Variants in TMEM131L observed in about 807,000 individuals in gnomAD.
TMEM131L encodes the protein transmembrane protein 131-like.
A neutral mutation model predicts 192.2 loss-of-function variants in TMEM131L; 54 were observed. The ratio of observed to expected loss-of-function variants is 0.28; its 90% CI spans 0.23 to 0.35. The LOEUF (loss-of-function observed/expected upper bound fraction) is 0.35, where lower values mean the gene tolerates loss of function less well. Among genes scored for constraint, TMEM131L ranks in the 10% least tolerant of loss-of-function variants. The probability of loss-of-function intolerance (pLI) is 1.00; values close to 1 mark genes in which losing one functional copy is unlikely to be tolerated. For synonymous variants in TMEM131L, 701 were observed against 704.9 expected, an observed-to-expected ratio of 0.99 and a Z score of 0.09; for missense variants, 1,888 against 1,972.9, an observed-to-expected ratio of 0.96 and a Z score of 0.82.
Position 153,636,411 on chromosome 4 carries a change from G to A in TMEM131L, c.4668G>A (p.Thr1556=), listed in dbSNP as rs779975529. ...YENCCPINPT[T]EHSTHMENQA... is the part of the protein sequence containing the mutation. ...ATTGCTGCCCCATCAACCCCACCACGGAACATTCGACCCACATGGAAAACC... is the reference window on the plus strand; with the variant it reads ...ATTGCTGCCCCATCAACCCCACCACAGAACATTCGACCCACATGGAAAACC... The change falls in exon 35 of 35, where the codon ACG becomes ACA. Residue 1556 remains threonine, a synonymous_variant. Transcript: ENST00000409959. 1.2e-5 allele frequency: 20 copies of A among 1,613,956 alleles called. 1 individual carries two copies. Among genetic ancestry groups the A allele is most frequent in the East Asian group, 4.5e-5 (2 of 44,886 alleles).
intron 3 of TMEM131L, among the ~76,000 whole-genome samples, chr4:153,497,848 CTT>C (rs144355438): frequency 1.4e-5 from 1 of 73,998 alleles, no homozygotes; most frequent in Non-Finnish European, 2.8e-5. Context: ...ATGCAGAAAT[CTT>C]TTTTTTCTTT....
chr4:153,606,290 A>T (rs1265082983), intron 25 of TMEM131L, among the ~76,000 whole-genome samples: 1 of 152,198 alleles, frequency 6.6e-6, no homozygotes, highest in East Asian at 1.9e-4. Flanking sequence ...ATGACTTTGC[A>T]CACACTTGAA....
rs1412912862 is a variant in TMEM131L at position 153,592,482 on chromosome 4, A to G, written c.1820A>G (p.Tyr607Cys). 1 of 1,613,038 alleles carries G rather than the reference A, an allele frequency of 6.2e-7. No individual in the cohort carries two copies. The highest frequency in any genetic ancestry group is 1.3e-5 in the African/African-American group (1 of 74,880). ...ATALRSRMIK[Y>C]FVVQNPSSWP... ...TTCTTTCCTCACACCTAGATCAAGT[A>G]CTTTGTGGTGCAGAACCCGTCCTCT... Residue 607 changes from tyrosine to cysteine, a missense_variant, in exon 18 of 35, where the codon TAC (tyrosine) becomes TGC (cysteine). Physicochemically the swap from Tyr to Cys is radical, Grantham distance 194. Transcript: ENST00000409959.
intron 3 of TMEM131L, among the ~76,000 whole-genome samples, chr4:153,547,761 G>T (rs1370731484): frequency 2.0e-5 from 3 of 152,344 alleles, no homozygotes; most frequent in Non-Finnish European, 4.4e-5. Context: ...TACAGTGCCT[G>T]AACTTGACAC....
Position 153,602,682 on chromosome 4 carries a change from C to A in TMEM131L, c.2594C>A (p.Pro865His). 1 of 1,613,882 alleles carries A rather than the reference C, an allele frequency of 6.2e-7. No homozygotes were observed. Among genetic ancestry groups the A allele is most frequent in the African/African-American group, 1.3e-5 (1 of 74,994 alleles). ...TTGTGTGCAGACGTGGTTCCAGGACCCAGCTGGGAGGAGTCATTTTGGAGG... is the reference window on the plus strand; with the variant it reads ...TTGTGTGCAGACGTGGTTCCAGGACACAGCTGGGAGGAGTCATTTTGGAGG... ...LPLCADVVPG[P>H]SWEESFWRLT... Residue 865 changes from proline to histidine, a missense_variant, in exon 23 of 35, where the codon CCC (proline) becomes CAC (histidine). Coordinates refer to ENST00000409959, the MANE Select transcript of TMEM131L (RefSeq NM_001131007.2).
chr4:153,589,287 T>C (rs1302127812), intron 16 of TMEM131L, among the ~76,000 whole-genome samples: 3 of 152,226 alleles, frequency 2.0e-5, no homozygotes, highest in African/African-American at 7.2e-5. Context: ...GGAAGCACTT[T>C]ATGGCTTCTC....
At position 153,581,549 on chromosome 4, in the gene TMEM131L, C is replaced by A; in HGVS notation, c.881C>A (p.Ser294Tyr). 6.4e-7 allele frequency: 1 copy of A among 1,555,654 alleles called. No individual in the cohort carries two copies. Among genetic ancestry groups the A allele is most frequent in the South Asian group, 1.2e-5 (1 of 81,934 alleles). ...ATTGTTTACGTAGCTACAGATGAAT[C>A]TGAGACCTCAGGTAAGGTGGAATGT... ...LSIVYVATDESETSDDSAVNM... is the reference protein window; with the variant it reads ...LSIVYVATDEYETSDDSAVNM... The change falls in exon 9 of 35, where the codon TCT (serine) becomes TAT (tyrosine). Residue 294 changes from serine (S) to tyrosine (Y), a missense_variant. By Grantham distance (144) the Ser-to-Tyr change is moderately radical (BLOSUM62 -2). Transcript: ENST00000409959.
At chr4:153,625,049 G>A (rs1733736102) in intron 29 of TMEM131L, among the ~76,000 whole-genome samples, 1 of 152,196 alleles carries the variant, frequency 6.6e-6, no homozygotes, top group Non-Finnish European at 1.5e-5. Flanking sequence ...TCACAGCACT[G>A]ATAACGTTCT....
Position 153,635,536 on chromosome 4 carries a change from G to A in TMEM131L, c.4522G>A (p.Ala1508Thr), listed in dbSNP as rs751610414. Residue 1508 changes from alanine to threonine, a missense_variant, in exon 34 of 35, where the codon GCT (alanine) becomes ACT (threonine). Physicochemically the swap from Ala to Thr is moderately conservative, Grantham distance 58. Transcript: ENST00000409959. ...STWNTPPNMP[A>T]AWGHASFISS... is the part of the protein sequence containing the mutation. Reference sequence around the variant, plus strand: ...CTGGAACACCCCACCCAACATGCCTGCTGCCTGGGGACATGCCAGTTTCAT... The same window carrying A: ...CTGGAACACCCCACCCAACATGCCTACTGCCTGGGGACATGCCAGTTTCAT... The A allele has an allele frequency of 6.8e-6, 11 of 1,614,062 alleles. No homozygotes were observed. The highest frequency in any genetic ancestry group is 1.7e-6 in the Non-Finnish European group (2 of 1,180,032).
At chr4:153,533,901 C>G (rs1736110282) in intron 3 of TMEM131L, among the ~76,000 whole-genome samples, 1 of 152,082 alleles carries the variant, frequency 6.6e-6, no homozygotes, top group African/African-American at 2.4e-5. Flanking sequence ...ATTTTTTAAG[C>G]TGAAAAAGAA....
intron 3 of TMEM131L, among the ~76,000 whole-genome samples, chr4:153,514,637 A>G (rs939643491): frequency 3.3e-5 from 5 of 152,194 alleles, no homozygotes; most frequent in Admixed American, 3.3e-4. Flanking sequence ...ATAATAGGAA[A>G]CCAAAGTTAG....
intron 18 of TMEM131L, among the ~76,000 whole-genome samples, chr4:153,593,425 A>G (rs1203695162): frequency 6.6e-6 from 1 of 152,184 alleles, no homozygotes; most frequent in Non-Finnish European, 1.5e-5. Context: ...AAATGTCTCC[A>G]GACGTAGCCC....
At chr4:153,629,442 T>C (rs900100469) in intron 31 of TMEM131L, among the ~76,000 whole-genome samples, 1 of 152,186 alleles carries the variant, frequency 6.6e-6, no homozygotes, top group African/African-American at 2.4e-5. Context: ...TTTTCTCTAA[T>C]GGGTCATTCT....
chr4:153,573,710 G>C (rs1394399629), intron 7 of TMEM131L, among the ~76,000 whole-genome samples: 1 of 152,146 alleles, frequency 6.6e-6, no homozygotes, highest in Non-Finnish European at 1.5e-5. Context: ...GGGAGGTAGT[G>C]TCCAGTAAAT....
intron 28 of TMEM131L, among the ~76,000 whole-genome samples, chr4:153,622,557 G>A (rs1433701373): frequency 1.3e-5 from 2 of 152,284 alleles, no homozygotes; most frequent in African/African-American, 4.8e-5. Context: ...AAGAGAGGGG[G>A]AAAATCACCT....
chr4:153,628,618 G>T (rs922427820), intron 31 of TMEM131L, among the ~76,000 whole-genome samples: 7 of 151,720 alleles, frequency 4.6e-5, no homozygotes, highest in African/African-American at 1.7e-4. Flanking sequence ...CGAACCTAGT[G>T]ACTAGTCCAG....
chr4:153,574,896 CTTTTATAATGACTT>C, intron 7 of TMEM131L, among the ~76,000 whole-genome samples: 1 of 152,252 alleles, frequency 6.6e-6, no homozygotes, highest in Non-Finnish European at 1.5e-5. Context: ...CCGAGATTTA[CTTTTATAATGACTT>C]CTAATATTTA....
chr4:153,605,428 C>T (rs979219966), intron 25 of TMEM131L, among the ~76,000 whole-genome samples: 3 of 152,208 alleles, frequency 2.0e-5, no homozygotes, highest in South Asian at 2.1e-4. Context: ...ACTGCAGTGG[C>T]GCAATCTTGG....
intron 2 of TMEM131L, among the ~76,000 whole-genome samples, chr4:153,471,871 T>C (rs1219453406): frequency 6.6e-6 from 1 of 152,246 alleles, no homozygotes; most frequent in East Asian, 1.9e-4. Context: ...TTTAAAAATA[T>C]CAAGTTTATT....
Sources: allele counts gnomAD v4.1 joint callset (sites outside exome capture counted in the v4.1 genomes callset), GRCh38; gene constraint gnomAD v4.1.1; transcripts MANE v1.5; gene names NCBI Gene and HGNC (gene_info 2026-07-23, HGNC 2026-07-21).